The following PKD2L2 variants were observed in gnomAD, a reference collection of about 807,000 sequenced individuals.
The protein encoded by PKD2L2 is polycystin 2 like 2, transient receptor potential cation channel, also known as polycystin-2-like protein 2.
PKD2L2 carries 67 observed loss-of-function variants against 83.9 expected under a neutral mutation model. That is an observed-to-expected ratio of 0.80 (90% CI 0.66 to 0.98). The LOEUF is 0.98. PKD2L2 is among the 50% of genes least tolerant of loss of function. The pLI is 0.00. For missense variants in PKD2L2, 632 were observed against 717.2 expected (o/e 0.88, Z 1.36); for synonymous variants, 223 against 237.8 (o/e 0.94, Z 0.57).
chr5:137,939,972 C>T, intron 14 of PKD2L2: 2 of 1,523,230 alleles, frequency 1.3e-6, no homozygotes, highest in Admixed American at 4.4e-5. Context: ...TAGTACAAAA[C>T]AATGAAGTAA....
chr5:137,909,579 C>G (rs1426120183), intron 8 of PKD2L2, among the ~76,000 whole-genome samples: 1 of 133,290 alleles, frequency 7.5e-6, no homozygotes, highest in Non-Finnish European at 1.5e-5. Flanking sequence ...GGTCTCCACT[C>G]TGTCACCCAG....
Position 137,896,967 on chromosome 5 carries a change from G to A in PKD2L2, c.524+2358G>A, listed in dbSNP as rs191631358. ...TGTTTCTTCTTTGTATGAGTTTGTA[G>A]TGTTCCTGAGGACTTGTATGATTCT... is the stretch of plus-strand genomic sequence containing the variant. On this transcript the variant is annotated intron_variant, in intron 4 of 14. Transcript: ENST00000508883. Among the ~76,000 whole-genome samples, 75 of 149,272 alleles carry A rather than the reference G, an allele frequency of 5.0e-4. No homozygotes were observed. In the East Asian group the frequency reaches 9.5e-3, roughly 19 times the overall value.
At chr5:137,903,457 G>C (rs1163839529) in intron 5 of PKD2L2, among the ~76,000 whole-genome samples, 1 of 152,148 alleles carries the variant, frequency 6.6e-6, no homozygotes, top group Non-Finnish European at 1.5e-5. Flanking sequence ...GATGCTGGCT[G>C]CTATTACACA....
intron 9 of PKD2L2, 39 bp from the exon 10 acceptor site, chr5:137,923,381 A>C (rs1207040964): frequency 1.0e-6 from 1 of 976,166 alleles, no homozygotes; most frequent in Non-Finnish European, 1.6e-6. Flanking sequence ...ATTTAAACTA[A>C]ATTTTTATTG....
At chr5:137,939,177 CGTT>C (rs1760957373) in intron 14 of PKD2L2, 1 of 151,098 alleles carries the variant, frequency 6.6e-6, no homozygotes, top group African/African-American at 2.4e-5. Context: ...CTTAAGAGGG[CGTT>C]GTTGTCGTTG....
At chr5:137,930,339 T>TA (rs1759762622) in intron 12 of PKD2L2, among the ~76,000 whole-genome samples, 2 of 151,986 alleles carry the variant, frequency 1.3e-5, no homozygotes. Flanking sequence ...ATTCTTTGAC[T>TA]AAAAAATATC....
At chr5:137,907,662 T>A in intron 6 of PKD2L2, 80 bp from the exon 7 acceptor site, 3 of 795,548 alleles carry the variant, frequency 3.8e-6, no homozygotes, top group South Asian at 8.0e-5. Context: ...GATGAACTTT[T>A]TTTGTGTTTC....
chr5:137,927,461 G>T (rs1759469702), intron 12 of PKD2L2, among the ~76,000 whole-genome samples: 1 of 152,200 alleles, frequency 6.6e-6, no homozygotes, highest in Admixed American at 6.5e-5. Flanking sequence ...AAAATGATAT[G>T]TCAAGTAAAT....
At chr5:137,915,403 T>A (rs944626169) in intron 8 of PKD2L2, among the ~76,000 whole-genome samples, 7 of 151,814 alleles carry the variant, frequency 4.6e-5, no homozygotes, top group Non-Finnish European at 1.5e-5. Flanking sequence ...TTTTAAATTT[T>A]AATTTTTATT....
intron 3 of PKD2L2, 51 bp downstream of exon 3, chr5:137,892,664 C>T (rs767252310): frequency 1.5e-5 from 22 of 1,460,962 alleles, no homozygotes; most frequent in Non-Finnish European, 2.0e-5. Flanking sequence ...GTCCATGAAC[C>T]CTTGGCATAC....
chr5:137,897,931 A>G (rs2150006636), intron 4 of PKD2L2, among the ~76,000 whole-genome samples: 1 of 152,008 alleles, frequency 6.6e-6, no homozygotes, highest in Admixed American at 6.6e-5. Flanking sequence ...GATATCCTGT[A>G]ATTAAATTAA....
chr5:137,908,043 A>G, intron 7 of PKD2L2, 131 bp downstream of exon 7: 1 of 479,442 alleles, frequency 2.1e-6, no homozygotes, highest in Non-Finnish European at 3.6e-6. Context: ...GGGCCAGCAC[A>G]GTGGCTCATA....
chr5:137,925,046 A>G lies in PKD2L2; in HGVS notation c.1558A>G (p.Lys520Glu), dbSNP rs776732598. The G allele has an allele frequency of 4.6e-5, 73 of 1,588,068 alleles. No individual in the cohort carries two copies. In the South Asian group the frequency reaches 5.8e-4, roughly 13 times the overall value. Residue 520 changes from lysine to glutamate, a missense_variant, in exon 11 of 15, where the codon AAA becomes GAA. Physicochemically the swap from Lys to Glu is moderately conservative, Grantham distance 56. Transcript: ENST00000508883. ...TATTTTAAATTATGCCCAGAGTTAC[A>G]AAAATGTTCTCGAGAAATTCAGACT... ...ELGKMIKQSY[K>E]NVLEKFRLKK...
intron 10 of PKD2L2, among the ~76,000 whole-genome samples, chr5:137,924,351 G>A (rs149487723): frequency 3.9e-5 from 6 of 152,248 alleles, no homozygotes; most frequent in Middle Eastern, 3.4e-3. Context: ...GTTTTGTGAC[G>A]CTTATTCTCT....
chr5:137,936,258 T>C (rs374960002), intron 13 of PKD2L2, 62 bp from the exon 14 acceptor site: 1 of 1,441,670 alleles, frequency 6.9e-7, no homozygotes. Context: ...CACTAGTAAC[T>C]TGCTGTCTAT....
At chr5:137,937,891 G>A (rs1413720710) in intron 14 of PKD2L2, 2 of 151,426 alleles carry the variant, frequency 1.3e-5, no homozygotes, top group South Asian at 2.1e-4. Flanking sequence ...AGCCTAAGCT[G>A]AGGGAACACT....
intron 8 of PKD2L2, among the ~76,000 whole-genome samples, chr5:137,912,296 T>A (rs558662110): frequency 6.6e-6 from 1 of 152,352 alleles, no homozygotes; most frequent in African/African-American, 2.4e-5. Flanking sequence ...TTTCTTTTTG[T>A]CTCCATCCTT....
intron 4 of PKD2L2, among the ~76,000 whole-genome samples, chr5:137,895,463 C>A (rs1756367150): frequency 7.1e-6 from 1 of 140,756 alleles, no homozygotes; most frequent in Non-Finnish European, 1.5e-5. Context: ...CAGAGGGAGA[C>A]CTTGTCCCTA....
intron 4 of PKD2L2, among the ~76,000 whole-genome samples, chr5:137,895,194 A>G (rs1435595659): frequency 1.3e-5 from 2 of 152,114 alleles, no homozygotes; most frequent in African/African-American, 2.4e-5. Flanking sequence ...GAGGCTGGAC[A>G]TGGTGGCTCA....
Sources: allele counts gnomAD v4.1 joint callset (sites outside exome capture counted in the v4.1 genomes callset), GRCh38; gene constraint gnomAD v4.1.1; transcripts MANE v1.5; gene names NCBI Gene and HGNC (gene_info 2026-07-23, HGNC 2026-07-21).